MBNL2: variants seen among roughly 807,000 people sequenced by gnomAD.
MBNL2 encodes the protein muscleblind like splicing regulator 2.
A neutral mutation model predicts 41.9 loss-of-function variants in MBNL2; 17 were observed. The observed-to-expected ratio is 0.41, with a 90% CI of 0.28 to 0.61. The LOEUF is 0.61. Among genes scored for constraint, MBNL2 ranks in the 20% least tolerant of loss-of-function variants. The pLI, the probability that MBNL2 is intolerant of heterozygous loss-of-function variation, is 0.35. For synonymous variants in MBNL2, 195 were observed against 182.9 expected (o/e 1.07, Z -0.53); for missense variants, 336 against 505.6 (o/e 0.66, Z 3.22).
chr13:97,310,640 A>G (rs2058514233), intron 2 of MBNL2, among the ~76,000 whole-genome samples: 1 of 152,028 alleles, frequency 6.6e-6, no homozygotes, highest in Non-Finnish European at 1.5e-5. Flanking sequence ...CGTGTTAGCC[A>G]GGATGGCCTC....
At chr13:97,204,740 C>A in the MBNL2 span, among the ~76,000 whole-genome samples, 1 of 152,220 alleles carries the variant, frequency 6.6e-6, no homozygotes, top group South Asian at 2.1e-4. Context: ...CACTCTGGAA[C>A]TCCCTTCAGT....
At chr13:97,258,331 A>G (rs904573936) in intron 1 of MBNL2, among the ~76,000 whole-genome samples, 3 of 152,106 alleles carry the variant, frequency 2.0e-5, no homozygotes, top group East Asian at 3.9e-4. Flanking sequence ...TGACTCATTC[A>G]TTTCTGTAGG....
chr13:97,352,720 A>G (rs528970746), intron 5 of MBNL2, among the ~76,000 whole-genome samples: 6 of 152,344 alleles, frequency 3.9e-5, no homozygotes, highest in Admixed American at 1.3e-4. Flanking sequence ...CAAACCTTCA[A>G]TTTTAAAAAA....
At chr13:97,267,125 C>T (rs144010299) in intron 1 of MBNL2, among the ~76,000 whole-genome samples, 529 of 152,254 alleles carry the variant, frequency 3.5e-3, no homozygotes, top group African/African-American at 0.012. Context: ...AGCAATGGCA[C>T]GGAGGAGACA....
At position 97,334,017 on chromosome 13, in the gene MBNL2, A is replaced by T. The variant is rs1411529565; in HGVS notation, c.175-259A>T. Among the ~76,000 whole-genome samples the T allele has an allele frequency of 2.0e-5, 1 of 49,226 alleles. No individual in the cohort carries two copies. Among genetic ancestry groups the T allele is most frequent in the Non-Finnish European group, 4.1e-5 (1 of 24,168 alleles). The allele number at this position is 49,226 out of a possible 152,430, so 32.3% of individuals were successfully genotyped here. On this transcript the variant is annotated intron_variant, in intron 2 of 8. Coordinates refer to ENST00000679496, the MANE Select transcript of MBNL2 (RefSeq NM_001382683.1). This position sits in a 1 kb window ranked among gnomAD's most constrained non-coding sequence, Gnocchi z 5.3. ...GAAAGAGAAAGAGAGAAAGAGAGAG[A>T]GGGAGGGAGGGAGGGAAAAATCCTC...
chr13:97,159,727 C>T, the MBNL2 span, among the ~76,000 whole-genome samples: 1 of 151,398 alleles, frequency 6.6e-6, no homozygotes, highest in African/African-American at 2.4e-5. Context: ...TATTGGCCCC[C>T]ACTCTCTTCT....
At chr13:97,218,634 T>C (rs1163484002), upstream of MBNL2, among the ~76,000 whole-genome samples, 1 of 152,118 alleles carries the variant, frequency 6.6e-6, no homozygotes, top group African/African-American at 2.4e-5. Context: ...CTTTAGTTTC[T>C]CAAACATTCT....
At chr13:97,297,540 C>T (rs1316480102) in intron 2 of MBNL2, among the ~76,000 whole-genome samples, 1 of 152,170 alleles carries the variant, frequency 6.6e-6, no homozygotes, top group Non-Finnish European at 1.5e-5. Flanking sequence ...TCTGCTTTCT[C>T]TAACTCCATG....
chr13:97,201,038 T>C, the MBNL2 span, among the ~76,000 whole-genome samples: 1 of 152,134 alleles, frequency 6.6e-6, no homozygotes, highest in South Asian at 2.1e-4. Context: ...TTATTTCCTC[T>C]ATCTCTCTCA....
upstream of MBNL2, among the ~76,000 whole-genome samples, chr13:97,217,042 T>A (rs573494376): frequency 1.4e-5 from 2 of 145,174 alleles, no homozygotes; most frequent in South Asian, 4.2e-4. Context: ...AATATACACA[T>A]AATATGTAAT....
chr13:97,247,809 A>G (rs1002607301), intron 1 of MBNL2, among the ~76,000 whole-genome samples: 1 of 152,204 alleles, frequency 6.6e-6, no homozygotes, highest in Non-Finnish European at 1.5e-5. Flanking sequence ...TCTGCAGCCA[A>G]TTAATTGCTC....
the MBNL2 span, among the ~76,000 whole-genome samples, chr13:97,203,612 G>C: frequency 6.6e-6 from 1 of 152,048 alleles, no homozygotes; most frequent in Non-Finnish European, 1.5e-5. Context: ...TTACCCTCTT[G>C]GCATGGCCTC....
Position 97,346,450 on chromosome 13 carries a change from T to A in MBNL2, c.541-354T>A, listed in dbSNP as rs1334760066. On this transcript the variant is annotated intron_variant, in intron 4 of 8. Transcript: ENST00000679496. The surrounding 1 kb of genome is among the most constrained non-coding windows in gnomAD (Gnocchi z 4.2). ...CATGGATAAATAGATAGATGATAGA[T>A]ATATGGATGGATGGATAGACAGACA... 6.6e-6 allele frequency among the ~76,000 whole-genome samples: 1 copy of A among 152,076 alleles called. No homozygotes were observed. The highest frequency in any genetic ancestry group is 1.5e-5 in the Non-Finnish European group (1 of 67,994).
chr13:97,170,693 C>CA, the MBNL2 span, among the ~76,000 whole-genome samples: 1 of 151,830 alleles, frequency 6.6e-6, no homozygotes, highest in Non-Finnish European at 1.5e-5. Context: ...ATCAGACATG[C>CA]AAAAAATCTG....
intron 1 of MBNL2, among the ~76,000 whole-genome samples, chr13:97,272,934 GA>G (rs1483538787): frequency 1.3e-5 from 2 of 152,086 alleles, no homozygotes; most frequent in East Asian, 1.9e-4. Context: ...CTCCCAGGGG[GA>G]AAAAATATAT....
the MBNL2 span, among the ~76,000 whole-genome samples, chr13:97,147,208 C>T: frequency 6.6e-6 from 1 of 152,198 alleles, no homozygotes; most frequent in East Asian, 1.9e-4. Context: ...AGTATTTGTG[C>T]TGAATGCACT....
At chr13:97,189,065 A>T in the MBNL2 span, among the ~76,000 whole-genome samples, 8 of 146,450 alleles carry the variant, frequency 5.5e-5, no homozygotes, top group African/African-American at 2.0e-4. Context: ...CTACTTCTGT[A>T]TTTTTTTTTT....
intron 2 of MBNL2, among the ~76,000 whole-genome samples, chr13:97,278,419 A>T (rs1189947436): frequency 6.6e-6 from 1 of 152,136 alleles, no homozygotes; most frequent in African/African-American, 2.4e-5. Context: ...AATATTAAAC[A>T]TCACAATTTT....
At chr13:97,296,250 A>G (rs1159831702) in intron 2 of MBNL2, among the ~76,000 whole-genome samples, 1 of 152,172 alleles carries the variant, frequency 6.6e-6, no homozygotes, top group East Asian at 1.9e-4. Flanking sequence ...GCTTTAGGTA[A>G]CTTTTTATTA....
Sources: allele counts gnomAD v4.1 joint callset (sites outside exome capture counted in the v4.1 genomes callset), GRCh38; gene constraint gnomAD v4.1.1; non-coding constraint Gnocchi (gnomAD v3.1); transcripts MANE v1.5; gene names NCBI Gene and HGNC (gene_info 2026-07-23, HGNC 2026-07-21).